The following NAT10 variants were observed in gnomAD, a reference collection of about 807,000 sequenced individuals.
The protein encoded by NAT10 is RNA cytidine acetyltransferase.
NAT10 carries 109 observed loss-of-function variants against 132.2 expected under a neutral mutation model. The observed-to-expected ratio is 0.82, with a 90% CI of 0.71 to 0.97. The LOEUF is 0.97. Ranked by LOEUF, NAT10 falls within the 50% of genes least tolerant of loss-of-function variation. NAT10 has a pLI of 0.00. For synonymous variants in NAT10, 479 were observed against 478.0 expected (o/e 1.00, Z -0.03); for missense variants, 1,184 against 1,263.4 (o/e 0.94, Z 0.95).
At chr11:34,133,959 T>C (rs149379559) in intron 16 of NAT10, among the ~76,000 whole-genome samples, 3,198 of 150,474 alleles carry the variant, frequency 0.021, 85 homozygotes, top group African/African-American at 0.075. Flanking sequence ...AAGACCATCC[T>C]GGCTAACACG....
chr11:34,128,091 C>G (rs1424670904), intron 12 of NAT10, among the ~76,000 whole-genome samples: 1 of 151,990 alleles, frequency 6.6e-6, no homozygotes, highest in Non-Finnish European at 1.5e-5. Flanking sequence ...TGCAGTGGCT[C>G]ACACCTGTAA....
intron 12 of NAT10, among the ~76,000 whole-genome samples, chr11:34,128,808 A>G (rs531744576): frequency 6.6e-6 from 1 of 152,310 alleles, no homozygotes; most frequent in Admixed American, 6.5e-5. Flanking sequence ...TTATCACCCC[A>G]TAAAGAAAGC....
chr11:34,115,830 A>C lies in NAT10; in HGVS notation c.503A>C (p.His168Pro). 1 of 1,614,066 alleles carries C rather than the reference A, an allele frequency of 6.2e-7. No homozygotes were observed. Among genetic ancestry groups the C allele is most frequent in the Non-Finnish European group, 8.5e-7 (1 of 1,179,972 alleles). Residue 168 changes from histidine to proline, a missense_variant, in exon 6 of 29, where the codon CAT becomes CCT. By Grantham distance (77) the His-to-Pro change is moderately conservative (BLOSUM62 -2). Transcript: ENST00000257829. ...KQLYTVTMDVHSRYRTEAHQD... is the reference protein window; with the variant it reads ...KQLYTVTMDVPSRYRTEAHQD... ...GTTGTCTTTCTTTGTTAGGATGTGC[A>C]TTCCAGGTACAGAACTGAGGCCCAT... is the stretch of plus-strand genomic sequence containing the variant.
chr11:34,107,301 C>G (rs1851613436), intron 1 of NAT10: 1 of 152,248 alleles, frequency 6.6e-6, no homozygotes, highest in Admixed American at 6.5e-5. Flanking sequence ...AACCACCACT[C>G]CCGGCGAGAA....
chr11:34,145,722 C>T (rs1258269977), intron 28 of NAT10, among the ~76,000 whole-genome samples: 1 of 152,158 alleles, frequency 6.6e-6, no homozygotes, highest in East Asian at 1.9e-4. Flanking sequence ...TCCAGAGTCA[C>T]TGCAGTGGTG....
intron 3 of NAT10, among the ~76,000 whole-genome samples, chr11:34,110,247 C>T (rs933202023): frequency 2.0e-5 from 3 of 152,086 alleles, no homozygotes; most frequent in African/African-American, 7.2e-5. Flanking sequence ...TGCTCATCTC[C>T]GATCTGACTC....
intron 2 of NAT10, 90 bp downstream of exon 2, chr11:34,108,423 G>A (rs772206509): frequency 1.9e-6 from 2 of 1,058,182 alleles, no homozygotes; most frequent in Non-Finnish European, 2.9e-6. Flanking sequence ...GGACATAATG[G>A]CATTAAGATC....
chr11:34,112,359 G>A (rs1851710834), intron 4 of NAT10, 136 bp downstream of exon 4: 3 of 1,061,452 alleles, frequency 2.8e-6, no homozygotes, highest in Middle Eastern at 2.9e-4. Context: ...ATTATTAGTG[G>A]AAGTCCTGGC....
chr11:34,118,042 C>T (rs1851814463), intron 6 of NAT10, 138 bp from the exon 7 acceptor site: 2 of 630,832 alleles, frequency 3.2e-6, no homozygotes, highest in Admixed American at 2.8e-5. Context: ...TCTCACACTG[C>T]TCTCCAACTA....
chr11:34,142,314 G>A lies in NAT10; in HGVS notation c.2851G>A (p.Glu951Lys). The change falls in exon 27 of 29, where the codon GAA becomes AAA. Residue 951 changes from glutamate (E) to lysine (K), a missense_variant. Glu to Lys is a moderately conservative substitution (Grantham distance 56). Transcript: ENST00000257829. ...GGAATTTCAGGAGAAACACAAGAAG[G>A]AAGTAGGGAAGCTGAAGAGCATGGA... ...AKEFQEKHKK[E>K]VGKLKSMDLS... 1 of 1,614,174 alleles carries A rather than the reference G, an allele frequency of 6.2e-7. No individual in the cohort carries two copies. Among genetic ancestry groups the A allele is most frequent in the Non-Finnish European group, 8.5e-7 (1 of 1,180,032 alleles).
intron 12 of NAT10, 51 bp from the exon 13 acceptor site, chr11:34,130,762 A>G (rs549558295): frequency 1.1e-5 from 17 of 1,609,228 alleles, no homozygotes; most frequent in Admixed American, 8.4e-5. Flanking sequence ...GTCCCCTCCT[A>G]GACAGTGGAT....
chr11:34,130,467 C>G (rs1852085038), intron 12 of NAT10, among the ~76,000 whole-genome samples: 1 of 152,178 alleles, frequency 6.6e-6, no homozygotes, highest in Admixed American at 6.5e-5. Context: ...TACTTACATC[C>G]TTTTTCCAGT....
chr11:34,112,301 C>T, intron 4 of NAT10, 78 bp downstream of exon 4: 1 of 1,527,904 alleles, frequency 6.5e-7, no homozygotes, highest in Middle Eastern at 1.7e-4. Flanking sequence ...CCACTGGGAA[C>T]AGATGTACAG....
intron 6 of NAT10, 104 bp downstream of exon 6, chr11:34,115,988 C>A: frequency 2.0e-6 from 2 of 1,000,496 alleles, no homozygotes; most frequent in South Asian, 1.5e-5. Context: ...GAAAGTAGTA[C>A]AATATTCCAA....
chr11:34,139,367 C>G lies in NAT10; in HGVS notation c.2309-18C>G. 7 of 1,612,028 alleles carry G rather than the reference C, an allele frequency of 4.3e-6. No homozygotes were observed. Among genetic ancestry groups the G allele is most frequent in the Non-Finnish European group, 5.1e-6 (6 of 1,178,082 alleles). On this transcript the variant is annotated intron_variant, in intron 22 of 28. Transcript: ENST00000257829. ...GGATGCCTCCAGACCTCTAACTCTG[C>G]GTGATGGCACCCCACAGATTTCCGA...
rs1851706159 is a variant in NAT10 at position 34,112,113 on chromosome 11, A to C, written c.262A>C (p.Lys88Gln). The C allele has an allele frequency of 6.2e-7, 1 of 1,614,122 alleles. No homozygotes were observed. The highest frequency in any genetic ancestry group is 8.5e-7 in the Non-Finnish European group (1 of 1,180,058). The change falls in exon 4 of 29, where the codon AAG (lysine) becomes CAG (glutamine). Residue 88 changes from lysine (K) to glutamine (Q), a missense_variant. Transcript: ENST00000257829. Reference sequence around the variant, plus strand: ...AATAAAGAATGGAACACTGAACATAAAGCAGGACGACCCCTTTGAACTCTT... The same window carrying C: ...AATAAAGAATGGAACACTGAACATACAGCAGGACGACCCCTTTGAACTCTT... ...KKIKNGTLNI[K>Q]QDDPFELFIA...
chr11:34,118,048 A>T, intron 6 of NAT10, 132 bp from the exon 7 acceptor site: 2 of 653,758 alleles, frequency 3.1e-6, no homozygotes, highest in Non-Finnish European at 5.3e-6. Context: ...ACTGCTCTCC[A>T]ACTAGGTTTT....
At position 34,127,318 on chromosome 11, in the gene NAT10, C is replaced by T. The variant is rs974940733; in HGVS notation, c.1108-145C>T. ...CAAGCCCATCCCATTTTTGCCCTGCCAGGAAAAAGTAGAAAGGAGGAATGA... is the reference window on the plus strand; with the variant it reads ...CAAGCCCATCCCATTTTTGCCCTGCTAGGAAAAAGTAGAAAGGAGGAATGA... On this transcript the variant is annotated intron_variant, in intron 11 of 28. Coordinates refer to ENST00000257829, the MANE Select transcript of NAT10 (RefSeq NM_024662.3). 1.1e-5 allele frequency: 11 copies of T among 963,306 alleles called. No individual in the cohort carries two copies. In the Admixed American group the frequency reaches 2.8e-4, roughly 25 times the overall value. The allele number at this position is 963,306 out of a possible 1,614,324, so 59.7% of individuals were successfully genotyped here.
chr11:34,124,418 A>T lies in NAT10; in HGVS notation c.1107+18A>T. 1 of 1,578,694 alleles carries T rather than the reference A, an allele frequency of 6.3e-7. No homozygotes were observed. The highest frequency in any genetic ancestry group is 1.3e-5 in the African/African-American group (1 of 74,270). On this transcript the variant is annotated intron_variant, in intron 11 of 28. Coordinates refer to ENST00000257829, the MANE Select transcript of NAT10 (RefSeq NM_024662.3). Reference sequence around the variant, plus strand: ...CTATTCAGGTGAGGCTTGTTCTCAGACCCTGATGTGCAGGGCCAGTGTCTT... The same window carrying T: ...CTATTCAGGTGAGGCTTGTTCTCAGTCCCTGATGTGCAGGGCCAGTGTCTT...
Sources: allele counts gnomAD v4.1 joint callset (sites outside exome capture counted in the v4.1 genomes callset), GRCh38; gene constraint gnomAD v4.1.1; transcripts MANE v1.5; gene names NCBI Gene and HGNC (gene_info 2026-07-23, HGNC 2026-07-21).